The following PACRG variants were observed in gnomAD, a reference collection of about 807,000 sequenced individuals.
PACRG encodes parkin coregulated gene protein.
PACRG carries 29 observed loss-of-function variants against 29.7 expected under a neutral mutation model. That is an observed-to-expected ratio of 0.98 (90% CI 0.73 to 1.33). The LOEUF (loss-of-function observed/expected upper bound fraction) is 1.33. Among genes scored for constraint, PACRG ranks in the 40% most tolerant of loss-of-function variants. The pLI is 0.00. For synonymous variants in PACRG, 116 were observed against 118.7 expected (o/e 0.98, Z 0.15); for missense variants, 279 against 316.2 (o/e 0.88, Z 0.89).
Position 163,291,281 on chromosome 6 carries a change from G to A in PACRG, c.614-23546G>A, listed in dbSNP as rs568179930. On this transcript the variant is annotated intron_variant, in intron 4 of 4. Transcript: ENST00000366888. ...CAAGATGACCCCTCTGCCCGCCAGA[G>A]CTGGCCTGCGGGTCACCCTGCAAGA... Among the ~76,000 whole-genome samples the A allele has an allele frequency of 2.9e-5, 4 of 139,586 alleles. No individual in the cohort carries two copies. In the South Asian group the frequency reaches 9.6e-4, roughly 34 times the overall value. 91.6% of individuals were successfully genotyped at this position (139,586 alleles called of 152,430 possible). A position where few individuals can be genotyped will look rare whatever the true frequency, so the allele number is the denominator to read the frequency against.
intron 1 of PACRG, among the ~76,000 whole-genome samples, chr6:162,763,866 C>T (rs973050457): frequency 6.6e-6 from 1 of 150,488 alleles, no homozygotes; most frequent in Non-Finnish European, 1.5e-5. Flanking sequence ...TTATTCTCAA[C>T]TAAAGACGGA....
chr6:162,824,293 A>G (rs1436881595), intron 2 of PACRG, among the ~76,000 whole-genome samples: 1 of 151,942 alleles, frequency 6.6e-6, no homozygotes, highest in Non-Finnish European at 1.5e-5. Context: ...TCACCCTTTT[A>G]TTCTAGACCT....
chr6:163,171,983 A>G (rs996363073), intron 4 of PACRG, among the ~76,000 whole-genome samples: 5 of 152,198 alleles, frequency 3.3e-5, no homozygotes, highest in African/African-American at 1.2e-4. Context: ...TCAACCTGGC[A>G]CAAAAGTTAA....
intron 4 of PACRG, among the ~76,000 whole-genome samples, chr6:163,299,010 T>TGAA (rs1562366039): frequency 6.6e-6 from 1 of 152,210 alleles, no homozygotes; most frequent in African/African-American, 2.4e-5. Context: ...CTTCTCACTC[T>TGAA]GAAGTACTCT....
chr6:162,963,773 G>C (rs1800821431), intron 2 of PACRG, among the ~76,000 whole-genome samples: 1 of 151,582 alleles, frequency 6.6e-6, no homozygotes, highest in South Asian at 2.1e-4. Flanking sequence ...AGTATCAGGA[G>C]GTTGTTCAGT....
chr6:162,763,269 C>T (rs1391268338), intron 1 of PACRG, among the ~76,000 whole-genome samples: 1 of 152,146 alleles, frequency 6.6e-6, no homozygotes, highest in Non-Finnish European at 1.5e-5. Flanking sequence ...TCAGCAATCT[C>T]CTGCACTTTC....
At chr6:162,870,138 C>G (rs1029035457) in intron 2 of PACRG, among the ~76,000 whole-genome samples, 1 of 152,206 alleles carries the variant, frequency 6.6e-6, no homozygotes, top group African/African-American at 2.4e-5. Flanking sequence ...GTGACTGTCA[C>G]TCTATTCACT....
At chr6:162,807,911 T>C (rs756888933) in intron 1 of PACRG, among the ~76,000 whole-genome samples, 8 of 152,256 alleles carry the variant, frequency 5.3e-5, no homozygotes, top group Non-Finnish European at 1.0e-4. Flanking sequence ...TCATATCTTT[T>C]CTGACTATCA....
intron 2 of PACRG, among the ~76,000 whole-genome samples, chr6:162,900,207 C>T (rs922425278): frequency 6.6e-6 from 1 of 152,128 alleles, no homozygotes; most frequent in African/African-American, 2.4e-5. Flanking sequence ...CACATATGCA[C>T]TCACAATGCT....
At chr6:163,189,036 GATA>G (rs1780082745) in intron 4 of PACRG, among the ~76,000 whole-genome samples, 1 of 152,172 alleles carries the variant, frequency 6.6e-6, no homozygotes, top group Non-Finnish European at 1.5e-5. Flanking sequence ...GACATGAGAG[GATA>G]ATTGATTAAA....
chr6:163,196,316 C>A (rs747018356), intron 4 of PACRG, among the ~76,000 whole-genome samples: 1 of 152,210 alleles, frequency 6.6e-6, no homozygotes, highest in Non-Finnish European at 1.5e-5. Context: ...CCTGGTCAAC[C>A]ACGACCCAAA....
intron 2 of PACRG, among the ~76,000 whole-genome samples, chr6:162,888,286 A>G (rs933624493): frequency 6.6e-6 from 1 of 152,046 alleles, no homozygotes; most frequent in South Asian, 2.1e-4. Flanking sequence ...CACAACCCTC[A>G]CATACAGACA....
chr6:162,732,734 A>G (rs1432763885), intron 1 of PACRG, among the ~76,000 whole-genome samples: 1 of 152,196 alleles, frequency 6.6e-6, no homozygotes, highest in Non-Finnish European at 1.5e-5. Context: ...TCATCCACCT[A>G]TCAATTGGTT....
At chr6:162,900,762 C>T (rs1795503507) in intron 2 of PACRG, among the ~76,000 whole-genome samples, 2 of 152,160 alleles carry the variant, frequency 1.3e-5, no homozygotes, top group South Asian at 2.1e-4. Context: ...TCTGCCCCAG[C>T]GCCTTTCCTG....
chr6:163,140,861 AG>A (rs1439133307), intron 4 of PACRG, among the ~76,000 whole-genome samples: 1 of 152,256 alleles, frequency 6.6e-6, no homozygotes, highest in Admixed American at 6.5e-5. Flanking sequence ...AATCTGAAGA[AG>A]AACAAATGAT....
At chr6:162,997,507 C>T in intron 2 of PACRG, 1 of 435,050 alleles carries the variant, frequency 2.3e-6, no homozygotes, top group South Asian at 1.7e-5. Context: ...CAATGAATAG[C>T]AGAATAATGC....
At chr6:162,814,078 A>G in intron 1 of PACRG, 69 bp from the exon 2 acceptor site, 1 of 1,459,096 alleles carries the variant, frequency 6.9e-7, no homozygotes, top group Non-Finnish European at 9.2e-7. Flanking sequence ...AAAAACAGAA[A>G]GTTCTTTTAT....
chr6:163,017,708 A>T (rs1274114591), intron 2 of PACRG, among the ~76,000 whole-genome samples: 1 of 152,200 alleles, frequency 6.6e-6, no homozygotes, highest in Non-Finnish European at 1.5e-5. Context: ...ACAGAGATGG[A>T]CATAAATGCA....
intron 2 of PACRG, among the ~76,000 whole-genome samples, chr6:162,992,201 CT>C (rs1803492121): frequency 8.2e-6 from 1 of 122,006 alleles, no homozygotes; most frequent in Non-Finnish European, 1.6e-5. Context: ...CTAAAATTCT[CT>C]TTTTTGGTTG....
Sources: gnomAD v4.1 joint callset for allele counts (sites outside exome capture counted in the v4.1 genomes callset) on GRCh38, gnomAD v4.1.1 for gene constraint, MANE v1.5 for transcripts, NCBI Gene and HGNC (gene_info 2026-07-23, HGNC 2026-07-21) for gene names.